MTHFD1L: variants seen among roughly 807,000 people sequenced by gnomAD.
MTHFD1L encodes the protein monofunctional C1-tetrahydrofolate synthase, mitochondrial.
Under a neutral mutation model 119.5 loss-of-function variants are expected in MTHFD1L, and 81 were observed. That is an observed-to-expected ratio of 0.68 (90% CI 0.57 to 0.82). The LOEUF (loss-of-function observed/expected upper bound fraction) is 0.82, where lower values mean the gene tolerates loss of function less well. MTHFD1L is among the 40% of genes least tolerant of loss of function. The probability of loss-of-function intolerance (pLI) is 0.00; values close to 1 mark genes in which losing one functional copy is unlikely to be tolerated. For synonymous variants in MTHFD1L, 430 were observed against 475.2 expected (o/e 0.90, Z 1.24); for missense variants, 1,125 against 1,253.4 (o/e 0.90, Z 1.55).
chr6:151,052,329 G>A (rs1050869092), intron 26 of MTHFD1L, among the ~76,000 whole-genome samples: 1 of 152,138 alleles, frequency 6.6e-6, no homozygotes, highest in African/African-American at 2.4e-5. Flanking sequence ...ACATTCTTGC[G>A]TGTCTGCTAT....
chr6:150,918,426 A>G (rs1788363594), intron 8 of MTHFD1L, 151 bp from the exon 9 acceptor site: 1 of 645,078 alleles, frequency 1.6e-6, no homozygotes, highest in South Asian at 1.9e-5. Flanking sequence ...AGCCTGTGCC[A>G]GAGGTGACCA....
intron 27 of MTHFD1L, among the ~76,000 whole-genome samples, chr6:151,094,013 A>G (rs542298415): frequency 7.2e-5 from 11 of 152,228 alleles, no homozygotes; most frequent in Admixed American, 6.5e-4. Flanking sequence ...CTGACTCCCC[A>G]TCGTGAAGAA....
chr6:150,997,918 C>G (rs1406123421), intron 20 of MTHFD1L, among the ~76,000 whole-genome samples: 1 of 152,126 alleles, frequency 6.6e-6, no homozygotes, highest in East Asian at 1.9e-4. Flanking sequence ...TTGTGAGAAA[C>G]CGGTAGGTCT....
intron 24 of MTHFD1L, among the ~76,000 whole-genome samples, chr6:151,024,679 A>G (rs1375127906): frequency 1.3e-5 from 2 of 152,154 alleles, no homozygotes; most frequent in Non-Finnish European, 2.9e-5. Flanking sequence ...AAATACAAAA[A>G]TGAGCCGGGC....
At chr6:150,981,053 A>G (rs1306030440) in intron 20 of MTHFD1L, among the ~76,000 whole-genome samples, 1 of 152,138 alleles carries the variant, frequency 6.6e-6, no homozygotes, top group Non-Finnish European at 1.5e-5. Context: ...CCTTACAACT[A>G]AGTGGCCACC....
intron 13 of MTHFD1L, among the ~76,000 whole-genome samples, chr6:150,943,040 T>G (rs1793396833): frequency 6.6e-6 from 1 of 152,028 alleles, no homozygotes; most frequent in South Asian, 2.1e-4. Flanking sequence ...CCCAGCACTT[T>G]GGGAGTCTGA....
At chr6:150,940,676 G>A (rs1015056941) in intron 13 of MTHFD1L, among the ~76,000 whole-genome samples, 1 of 152,058 alleles carries the variant, frequency 6.6e-6, no homozygotes, top group Admixed American at 6.6e-5. Flanking sequence ...TGCCTCCCAG[G>A]TTCAAGTGAT....
intron 20 of MTHFD1L, among the ~76,000 whole-genome samples, chr6:150,997,309 T>A (rs13362604): frequency 6.6e-6 from 1 of 152,082 alleles, no homozygotes; most frequent in South Asian, 2.1e-4. Context: ...TTCCCAATAT[T>A]CTACAAAATA....
chr6:150,918,484 A>G, intron 8 of MTHFD1L, 93 bp from the exon 9 acceptor site: 1 of 885,664 alleles, frequency 1.1e-6, no homozygotes, highest in East Asian at 2.4e-5. Context: ...GAAAAATGAG[A>G]CCACTATTCA....
Position 150,971,931 on chromosome 6 carries a change from T to C in MTHFD1L, c.2014-16T>C. 4 of 1,606,734 alleles carry C rather than the reference T, an allele frequency of 2.5e-6. No homozygotes were observed. The African/African-American group carries it at 4.0e-5, about 16-fold the overall frequency. ...TTTGTCTTTTGGGATTTTGATTTGC[T>C]TTTTCACTTCTCTAGGGGACACCTG... On this transcript the variant is annotated splice_polypyrimidine_tract_variant and intron_variant, in intron 19 of 27. Transcript: ENST00000367321.
intron 5 of MTHFD1L, 102 bp from the exon 6 acceptor site, chr6:150,885,532 C>A: frequency 1.2e-6 from 1 of 817,898 alleles, no homozygotes; most frequent in Non-Finnish European, 2.0e-6. Flanking sequence ...GTCTATCAAA[C>A]ATTGACTTGG....
intron 8 of MTHFD1L, among the ~76,000 whole-genome samples, chr6:150,914,241 G>A (rs117763049): frequency 0.02 from 3,032 of 152,304 alleles, 44 homozygotes; most frequent in Non-Finnish European, 0.031. Context: ...GGGTTACAGG[G>A]AGCTGAGATG....
At chr6:150,994,837 A>T (rs1365817603) in intron 20 of MTHFD1L, among the ~76,000 whole-genome samples, 2 of 152,216 alleles carry the variant, frequency 1.3e-5, no homozygotes, top group Non-Finnish European at 2.9e-5. Flanking sequence ...GCATCGTTAC[A>T]TTGCAGATAA....
chr6:151,073,600 A>C lies in MTHFD1L; in HGVS notation c.2848-18867A>C, dbSNP rs1313319507. On this transcript the variant is annotated intron_variant, in intron 26 of 27. Coordinates refer to ENST00000367321, the MANE Select transcript of MTHFD1L (RefSeq NM_015440.5). ...TTTGCATGTTTAAGAAACTAGAAGA[A>C]GGATTTAACATGTTAAATAGAGACA... 6.6e-5 allele frequency among the ~76,000 whole-genome samples: 10 copies of C among 152,228 alleles called. No individual in the cohort carries two copies. The East Asian group carries it at 1.5e-3, about 23-fold the overall frequency.
chr6:151,002,863 A>G (rs151015275), intron 20 of MTHFD1L, among the ~76,000 whole-genome samples: 1 of 152,194 alleles, frequency 6.6e-6, no homozygotes, highest in African/African-American at 2.4e-5. Flanking sequence ...CCTCAGTGCT[A>G]TGGAGACCTT....
intron 20 of MTHFD1L, among the ~76,000 whole-genome samples, chr6:150,990,567 C>G (rs1778929458): frequency 6.6e-6 from 1 of 151,442 alleles, no homozygotes; most frequent in Admixed American, 6.6e-5. Context: ...TCAAGTGATT[C>G]TCCTGCCTCA....
intron 8 of MTHFD1L, among the ~76,000 whole-genome samples, chr6:150,913,962 T>A (rs1296427383): frequency 6.6e-6 from 1 of 152,162 alleles, no homozygotes; most frequent in Non-Finnish European, 1.5e-5. Flanking sequence ...ACCCTGCCTC[T>A]ACTAAAAAAA....
chr6:150,937,634 T>C (rs742829), intron 12 of MTHFD1L, among the ~76,000 whole-genome samples: 40,225 of 152,030 alleles, frequency 0.26, 7,116 homozygotes, highest in East Asian at 0.51. Flanking sequence ...CATCGTGTAG[T>C]GGAATGAACA....
intron 11 of MTHFD1L, chr6:150,935,702 A>T (rs1443689344): frequency 1.6e-6 from 1 of 618,854 alleles, no homozygotes; most frequent in East Asian, 3.0e-5. Context: ...GAACAATCAG[A>T]TGCCCAACTC....
Sources: allele counts gnomAD v4.1 joint callset (sites outside exome capture counted in the v4.1 genomes callset), GRCh38; gene constraint gnomAD v4.1.1; transcripts MANE v1.5; gene names NCBI Gene and HGNC (gene_info 2026-07-23, HGNC 2026-07-21).